The following ARCN1 variants were observed in gnomAD, a reference collection of about 807,000 sequenced individuals.
ARCN1 encodes archain 1 coat protein complex I subunit delta.
In ARCN1, 5 loss-of-function variants were observed where a neutral mutation model predicts 60.4. The observed-to-expected ratio is 0.08, with a 90% confidence interval of 0.04 to 0.17. ARCN1 has a LOEUF of 0.17. Ranked by LOEUF, ARCN1 falls within the 10% of genes least tolerant of loss-of-function variation. The pLI is 1.00. For synonymous variants in ARCN1, 224 were observed against 220.0 expected (o/e 1.02, Z -0.16); for missense variants, 464 against 626.5 (o/e 0.74, Z 2.77).
intron 1 of ARCN1, among the ~76,000 whole-genome samples, chr11:118,576,445 A>G (rs1037205270): frequency 6.7e-6 from 1 of 148,378 alleles, no homozygotes; most frequent in Non-Finnish European, 1.5e-5. Context: ...AAAAAAAAAA[A>G]AAAACCAAAA....
At chr11:118,588,410 TA>T (rs1262989280) in intron 5 of ARCN1, among the ~76,000 whole-genome samples, 1 of 152,126 alleles carries the variant, frequency 6.6e-6, no homozygotes, top group Non-Finnish European at 1.5e-5. Context: ...TTATGTATAA[TA>T]AGGGATATGG....
chr11:118,583,379 G>A (rs370719275), intron 3 of ARCN1, 21 bp downstream of exon 3: 1 of 1,587,222 alleles, frequency 6.3e-7, no homozygotes, highest in Non-Finnish European at 8.6e-7. Flanking sequence ...TCTTCTCTGG[G>A]ACTACCTGTT....
Position 118,602,135 on chromosome 11 carries a change from A to G in ARCN1, c.*1421A>G, listed in dbSNP as rs1555078241. 3 of 196,722 alleles carry G rather than the reference A, an allele frequency of 1.5e-5. No individual in the cohort carries two copies. In the Admixed American group the frequency reaches 1.6e-4, roughly 11 times the overall value. The allele number at this position is 196,722 out of a possible 1,614,324, so 12.2% of individuals were successfully genotyped here. A position where few individuals can be genotyped will look rare whatever the true frequency, so the allele number is the denominator to read the frequency against. On this transcript the variant is annotated 3_prime_UTR_variant, in exon 10 of 10. Coordinates refer to ENST00000264028, the MANE Select transcript of ARCN1 (RefSeq NM_001655.5). ...TTCACCATTTGATTTTTTGCATTTC[A>G]GGAGGCAACTGATTGTTTCGATATG...
At chr11:118,573,071 A>G (rs1187607171) in intron 1 of ARCN1, 1 of 159,926 alleles carries the variant, frequency 6.3e-6, no homozygotes. Flanking sequence ...GAAGGGGGAA[A>G]TGGAGACACA....
At chr11:118,585,236 A>G (rs1487250579) in intron 5 of ARCN1, among the ~76,000 whole-genome samples, 1 of 152,082 alleles carries the variant, frequency 6.6e-6, no homozygotes, top group Non-Finnish European at 1.5e-5. Flanking sequence ...TAACTGGGAT[A>G]CAGGCATGCG....
chr11:118,575,117 T>C (rs923277635), intron 1 of ARCN1, among the ~76,000 whole-genome samples: 9 of 152,152 alleles, frequency 5.9e-5, no homozygotes, highest in African/African-American at 1.9e-4. Flanking sequence ...TAGCTGGGAC[T>C]GCAGGCGCCT....
At chr11:118,575,838 GCACA>G (rs1376573308) in intron 1 of ARCN1, among the ~76,000 whole-genome samples, 1 of 152,130 alleles carries the variant, frequency 6.6e-6, no homozygotes. Flanking sequence ...TATCTCTCTT[GCACA>G]CACAATTTGT....
chr11:118,590,992 T>C (rs1938894605), intron 6 of ARCN1, among the ~76,000 whole-genome samples: 1 of 152,284 alleles, frequency 6.6e-6, no homozygotes, highest in Non-Finnish European at 1.5e-5. Flanking sequence ...CAAGACCCTA[T>C]CTCTACAAAA....
rs374725573 is a variant in ARCN1 at position 118,597,924 on chromosome 11, A to G, written c.1446+13A>G. ...CTGTAACATACAGGTACTCCATTTT[A>G]GTTGAGAACATATATAGGGAAAGTG... On this transcript the variant is annotated intron_variant, in intron 9 of 9. Transcript: ENST00000264028. The G allele has an allele frequency of 5.3e-5, 85 of 1,613,554 alleles. 1 individual carries two copies. In the Middle Eastern group the frequency reaches 1.2e-3, roughly 22 times the overall value.
In ARCN1 at chr11:118,573,711, A is replaced by C. The variant is rs1010758933; in HGVS notation, c.3+1161A>C. ...TAATAAGTTCTATTGACAACCCTTT[A>C]GATAAGAACTTGGATAATGGGGGGA... On this transcript the variant is annotated intron_variant, in intron 1 of 9. Transcript: ENST00000264028. 3.9e-5 allele frequency: 27 copies of C among 698,868 alleles called. No homozygotes were observed. In the African/African-American group the frequency reaches 4.7e-4, roughly 12 times the overall value. 43.3% of individuals were successfully genotyped at this position (698,868 alleles called of 1,614,324 possible). A position where few individuals can be genotyped will look rare whatever the true frequency, so the allele number is the denominator to read the frequency against.
intron 4 of ARCN1, 91 bp downstream of exon 4, chr11:118,584,105 TAAA>T: frequency 7.9e-7 from 1 of 1,268,964 alleles, no homozygotes; most frequent in Non-Finnish European, 1.1e-6. Flanking sequence ...AAGCTGTAAA[TAAA>T]GAAGGACTTG....
At chr11:118,585,542 A>T (rs1444773464) in intron 5 of ARCN1, among the ~76,000 whole-genome samples, 1 of 151,784 alleles carries the variant, frequency 6.6e-6, no homozygotes, top group Non-Finnish European at 1.5e-5. Context: ...TTTTTATTTT[A>T]TTTATTTATT....
Position 118,579,463 on chromosome 11 carries a change from G to C in ARCN1, c.4-1783G>C, listed in dbSNP as rs186372528. Among the ~76,000 whole-genome samples, 385 of 151,960 alleles carry C rather than the reference G, an allele frequency of 2.5e-3. 2 individuals are homozygous for C. Among genetic ancestry groups the C allele is most frequent in the Middle Eastern group, 6.8e-3 (2 of 294 alleles). Reference sequence around the variant, plus strand: ...GAGGTGGGCAGATCACCCGAGGTCAGGCATTTGAGACCAGCCTGGCCAACC... The same window carrying C: ...GAGGTGGGCAGATCACCCGAGGTCACGCATTTGAGACCAGCCTGGCCAACC... On this transcript the variant is annotated intron_variant, in intron 1 of 9. Coordinates refer to ENST00000264028, the MANE Select transcript of ARCN1 (RefSeq NM_001655.5).
At position 118,590,382 on chromosome 11, in the gene ARCN1, G is replaced by C; in HGVS notation, c.860G>C (p.Gly287Ala). 1 of 1,614,022 alleles carries C rather than the reference G, an allele frequency of 6.2e-7. No homozygotes were observed. Among genetic ancestry groups the C allele is most frequent in the Non-Finnish European group, 8.5e-7 (1 of 1,179,874 alleles). The change falls in exon 6 of 10, where the codon GGA becomes GCA. Residue 287 changes from glycine to alanine, a missense_variant. Transcript: ENST00000264028. ...KIEEKITLTC[G>A]RDGGLQNMEL... ...GAAGAAAAGATAACATTAACCTGTG[G>C]ACGAGACGGAGGATTACAGAATATG...
intron 5 of ARCN1, 84 bp downstream of exon 5, chr11:118,584,728 ATTCT>A (rs1650598039): frequency 1.6e-6 from 2 of 1,213,572 alleles, no homozygotes; most frequent in Non-Finnish European, 2.2e-6. Context: ...TGTGCTATAA[ATTCT>A]TTCTCTGTCT....
At chr11:118,584,753 C>A in intron 5 of ARCN1, 109 bp downstream of exon 5, 2 of 1,037,306 alleles carry the variant, frequency 1.9e-6, no homozygotes, top group South Asian at 2.0e-5. Context: ...TTTAATCGTT[C>A]CTGATTTAAA....
At chr11:118,579,521 C>CAAA (rs61567269) in intron 1 of ARCN1, among the ~76,000 whole-genome samples, 1 of 118,316 alleles carries the variant, frequency 8.5e-6, no homozygotes, top group Non-Finnish European at 1.8e-5. Context: ...ACTAGAAATA[C>CAAA]AAAAAAAAAA....
chr11:118,573,194 C>A (rs1247276283), intron 1 of ARCN1, among the ~76,000 whole-genome samples: 1 of 152,134 alleles, frequency 6.6e-6, no homozygotes, highest in Non-Finnish European at 1.5e-5. Flanking sequence ...ACTCGGGGTA[C>A]ATACACTGTG....
chr11:118,581,933 G>GACACACACACACACACACACACACAC lies in ARCN1; in HGVS notation c.267+427_267+428insCACACACACACACACACACACACACA, dbSNP rs1161304214. Among the ~76,000 whole-genome samples, 5 of 132,146 alleles carry GACACACACACACACACACACACACAC rather than the reference G, an allele frequency of 3.8e-5. No homozygotes were observed. In the South Asian group the frequency reaches 1.2e-3, roughly 31 times the overall value. 86.7% of individuals were successfully genotyped at this position (132,146 alleles called of 152,430 possible). ...TTACTGATCCAGAGACAGACAGACA[G>GACACACACACACACACACACACACAC]ACAGACACACACACACACACACACA... On this transcript the variant is annotated intron_variant, in intron 2 of 9. Transcript: ENST00000264028.
Sources: allele counts gnomAD v4.1 joint callset (sites outside exome capture counted in the v4.1 genomes callset), GRCh38; gene constraint gnomAD v4.1.1; transcripts MANE v1.5; gene names NCBI Gene and HGNC (gene_info 2026-07-23, HGNC 2026-07-21).